SPEG: variants seen among roughly 807,000 people sequenced by gnomAD.
The protein encoded by SPEG is striated muscle preferentially expressed protein kinase.
SPEG carries 114 observed loss-of-function variants against 300.4 expected under a neutral mutation model. That is an observed-to-expected ratio of 0.38 (90% CI 0.33 to 0.44). The LOEUF (loss-of-function observed/expected upper bound fraction) is 0.44, where lower values mean the gene tolerates loss of function less well. Ranked by LOEUF, SPEG falls within the 20% of genes least tolerant of loss-of-function variation. The pLI, the probability that SPEG is intolerant of heterozygous loss-of-function variation, is 1.00. For missense variants in SPEG, 4,201 were observed against 4,586.2 expected, an observed-to-expected ratio of 0.92 and a Z score of 2.43; for synonymous variants, 1,964 against 2,018.9, an observed-to-expected ratio of 0.97 and a Z score of 0.73.
chr2:219,455,302 C>T (rs1172995747), intron 6 of SPEG, among the ~76,000 whole-genome samples: 1 of 152,138 alleles, frequency 6.6e-6, no homozygotes, highest in East Asian at 1.9e-4. Context: ...GTGGCTGACA[C>T]CTGTAATCCC....
chr2:219,478,197 A>G, intron 22 of SPEG, 92 bp downstream of exon 22: 5 of 1,121,610 alleles, frequency 4.5e-6, no homozygotes, highest in Non-Finnish European at 6.5e-6. Context: ...ACAGTTTACA[A>G]AGTAGTCCCA....
chr2:219,469,216 G>A lies in SPEG; in HGVS notation c.3552G>A (p.Arg1184=), dbSNP rs1691653426. Residue 1184 remains arginine (R), a synonymous_variant, in exon 13 of 41, where the codon CGG becomes CGA. Coordinates refer to ENST00000312358, the MANE Select transcript of SPEG (RefSeq NM_005876.5). ...AGCCAGAGCAGGGTGAGCTGGAGCG[G>A]CTGTCCATTCCTGACTTCCTGCGGC... ...PEEPEQGELE[R]LSIPDFLRPL... The A allele has an allele frequency of 6.2e-7, 1 of 1,613,644 alleles. No individual in the cohort carries two copies. Among genetic ancestry groups the A allele is most frequent in the Non-Finnish European group, 8.5e-7 (1 of 1,179,782 alleles).
Position 219,490,533 on chromosome 2 carries a change from A to T in SPEG, c.9046A>T (p.Thr3016Ser), listed in dbSNP as rs545450967. The T allele has an allele frequency of 3.7e-6, 6 of 1,613,152 alleles. No individual in the cohort carries two copies. In the Admixed American group the frequency reaches 1.0e-4, roughly 27 times the overall value. The stretch of plus-strand genomic sequence containing the variant: ...CCTGCAGGAGTACGAGGTGCTGCGG[A>T]CCCTGCACCACGAGCGGATCATGTC... ...RVLQEYEVLR[T>S]LHHERIMSLH... The change falls in exon 37 of 41, where the codon ACC becomes TCC. Residue 3016 changes from threonine (T) to serine (S), a missense_variant. Thr to Ser is a moderately conservative substitution (Grantham distance 58). Transcript: ENST00000312358.
chr2:219,490,499 G>A lies in SPEG; in HGVS notation c.9012G>A (p.Lys3004=). The part of the protein sequence containing the change: ...AKIVPYAAEG[K]RRVLQEYEVL... ...TCGTGCCCTATGCTGCCGAGGGCAA[G>A]CGGCGGGTCCTGCAGGAGTACGAGG... The change falls in exon 37 of 41, where the codon AAG becomes AAA. Residue 3004 remains lysine (K), a synonymous_variant. Transcript: ENST00000312358. 6.2e-7 allele frequency: 1 copy of A among 1,612,580 alleles called. No individual in the cohort carries two copies. Among genetic ancestry groups the A allele is most frequent in the Admixed American group, 1.7e-5 (1 of 60,016 alleles).
In SPEG at chr2:219,439,331, G is replaced by T. The variant is rs1954799816; in HGVS notation, c.388+3966G>T. Among the ~76,000 whole-genome samples, 1 of 152,186 alleles carries T rather than the reference G, an allele frequency of 6.6e-6. No homozygotes were observed. Among genetic ancestry groups the T allele is most frequent in the African/African-American group, 2.4e-5 (1 of 41,438 alleles). ...ATACACGAGTCAGGGGGTTGAGGGA[G>T]ACCAAAATTTATGTCCTCCAGGGGA... On this transcript the variant is annotated intron_variant, in intron 1 of 40. Coordinates refer to ENST00000312358, the MANE Select transcript of SPEG (RefSeq NM_005876.5). The surrounding 1 kb of genome is among the most constrained non-coding windows in gnomAD (Gnocchi z 4.5).
Position 219,458,012 on chromosome 2 carries a change from C to T in SPEG, c.2441-3870C>T, listed in dbSNP as rs961366361. Reference sequence around the variant, plus strand: ...CTGCTCTCTTGCTACCTCATACTTCCTGCTTGCTCTTGTAGTCACTTGTGT... The same window carrying T: ...CTGCTCTCTTGCTACCTCATACTTCTTGCTTGCTCTTGTAGTCACTTGTGT... On this transcript the variant is annotated intron_variant, in intron 6 of 40. Coordinates refer to ENST00000312358, the MANE Select transcript of SPEG (RefSeq NM_005876.5). This position sits in a 1 kb window ranked among gnomAD's most constrained non-coding sequence, Gnocchi z 4.2. Among the ~76,000 whole-genome samples the T allele has an allele frequency of 6.6e-6, 1 of 152,158 alleles. No individual in the cohort carries two copies. Among genetic ancestry groups the T allele is most frequent in the Non-Finnish European group, 1.5e-5 (1 of 68,028 alleles).
In SPEG at chr2:219,463,604, G is replaced by A. The variant is rs116385797; in HGVS notation, c.2706-829G>A. On this transcript the variant is annotated intron_variant, in intron 8 of 40. Transcript: ENST00000312358. ...AATTTTGTATTTTTTGTAGAGGCAGGGTTTCTGGTCAGGCTGGTCTCGAAC... is the reference window on the plus strand; with the variant it reads ...AATTTTGTATTTTTTGTAGAGGCAGAGTTTCTGGTCAGGCTGGTCTCGAAC... 7.2e-3 allele frequency among the ~76,000 whole-genome samples: 1,094 copies of A among 151,046 alleles called. 12 individuals carry two copies. Among genetic ancestry groups the A allele is most frequent in the African/African-American group, 0.024 (993 of 41,160 alleles).
intron 31 of SPEG, among the ~76,000 whole-genome samples, chr2:219,486,229 C>A (rs529863325): frequency 1.3e-5 from 2 of 152,354 alleles, no homozygotes; most frequent in South Asian, 4.1e-4. Context: ...GGGGTCACCC[C>A]ATCCCCCCTG....
In SPEG at chr2:219,480,071, A is replaced by G. The variant is rs1253982280; in HGVS notation, c.5273A>G (p.Tyr1758Cys). The G allele has an allele frequency of 3.7e-6, 6 of 1,614,052 alleles. No homozygotes were observed. The highest frequency in any genetic ancestry group is 8.5e-7 in the Non-Finnish European group (1 of 1,180,014). Residue 1758 changes from tyrosine (Y) to cysteine (C), a missense_variant, in exon 25 of 41, where the codon TAT (tyrosine) becomes TGT (cysteine). Coordinates refer to ENST00000312358, the MANE Select transcript of SPEG (RefSeq NM_005876.5). The surrounding 1 kb of genome is among the most constrained non-coding windows in gnomAD (Gnocchi z 5.3). ...CCAGGAGAGCCCCAGTACTGCCAGTATGGCACACCTGAGTTTGTAGCACCC... is the reference window on the plus strand; with the variant it reads ...CCAGGAGAGCCCCAGTACTGCCAGTGTGGCACACCTGAGTTTGTAGCACCC... Reference protein sequence around the residue: ...LTPGEPQYCQYGTPEFVAPEI... With the variant: ...LTPGEPQYCQCGTPEFVAPEI...
chr2:219,444,631 A>G lies in SPEG; in HGVS notation c.389-22A>G. On this transcript the variant is annotated intron_variant, in intron 1 of 40. Transcript: ENST00000312358. The surrounding 1 kb of genome is among the most constrained non-coding windows in gnomAD (Gnocchi z 7.8). ...AGGCAGAGGGAGGAGGGCCCTGCCCACACAGACCCCTTCTTCTCCAGACTC... is the reference window on the plus strand; with the variant it reads ...AGGCAGAGGGAGGAGGGCCCTGCCCGCACAGACCCCTTCTTCTCCAGACTC... 6.2e-7 allele frequency: 1 copy of G among 1,604,644 alleles called. No individual in the cohort carries two copies. The highest frequency in any genetic ancestry group is 8.5e-7 in the Non-Finnish European group (1 of 1,171,492).
chr2:219,482,569 G>A (rs925694694), intron 28 of SPEG, among the ~76,000 whole-genome samples: 1 of 152,104 alleles, frequency 6.6e-6, no homozygotes, highest in African/African-American at 2.4e-5. Flanking sequence ...CCTCTCCCCT[G>A]GGGGGTTCAG....
Position 219,483,362 on chromosome 2 carries a change from G to T in SPEG, c.5899G>T (p.Ala1967Ser). 1 of 1,604,420 alleles carries T rather than the reference G, an allele frequency of 6.2e-7. No individual in the cohort carries two copies. The change falls in exon 30 of 41, where the codon GCT becomes TCT. Residue 1967 changes from alanine to serine, a missense_variant. This residue lies in a region of SPEG where 1,578 missense variants were observed against 1,506.0 expected (regional missense o/e 1.05). Transcript: ENST00000312358. The stretch of plus-strand genomic sequence containing the variant: ...GGCCCTGGGGACCCCAGAGACTGGG[G>T]CTGCCACCCCCATGGACTGGCAGGA... ...DEALGTPETG[A>S]ATPMDWQEQG... is the part of the protein sequence containing the mutation.
In SPEG at chr2:219,448,628, C is replaced by T; in HGVS notation, c.1470C>T (p.Leu490=). The change falls in exon 4 of 41, where the codon CTC becomes CTT. Residue 490 remains leucine, a synonymous_variant. Coordinates refer to ENST00000312358, the MANE Select transcript of SPEG (RefSeq NM_005876.5). ...RTRQRSPASD[L]ELRFAQELGR... ...GTCAGCGCAGCCCGGCCTCAGACCT[C>T]GAGCTGCGCTTCGCCCAGGAGCTGG... 3.4e-6 allele frequency: 5 copies of T among 1,482,420 alleles called. No homozygotes were observed. Among genetic ancestry groups the T allele is most frequent in the Non-Finnish European group, 4.4e-6 (5 of 1,124,400 alleles). 91.8% of individuals were successfully genotyped at this position (1,482,420 alleles called of 1,614,324 possible).
Position 219,470,862 on chromosome 2 carries a change from C to T in SPEG, c.3716-1006C>T, listed in dbSNP as rs767480668. On this transcript the variant is annotated intron_variant, in intron 13 of 40. Coordinates refer to ENST00000312358, the MANE Select transcript of SPEG (RefSeq NM_005876.5). ...TTTGTAGAGTTGTTGCAAGGATTCA[C>T]GAGGGGGAAAGCATGTCAGGTACCT... 2.0e-4 allele frequency among the ~76,000 whole-genome samples: 30 copies of T among 152,214 alleles called. No individual in the cohort carries two copies. In the Middle Eastern group the frequency reaches 0.027, roughly 138 times the overall value.
intron 6 of SPEG, chr2:219,461,227 G>A (rs1690660011): frequency 1.0e-6 from 1 of 986,518 alleles, no homozygotes; most frequent in South Asian, 4.7e-5. Flanking sequence ...TGCCCTTTTT[G>A]GTGGATGACT....
rs1689073285 is a variant in SPEG at position 219,443,552 on chromosome 2, C to T, written c.389-1101C>T. The T allele has an allele frequency of 1.0e-5, 3 of 292,474 alleles. No individual in the cohort carries two copies. Among genetic ancestry groups the T allele is most frequent in the African/African-American group, 6.5e-5 (3 of 45,878 alleles). The allele number at this position is 292,474 out of a possible 1,614,324, so 18.1% of individuals were successfully genotyped here. The stretch of plus-strand genomic sequence containing the variant: ...GGAACCTTTTCTCCTAACCTAACCA[C>T]TGGGCATTTTTGAGGACGATTCAAC... On this transcript the variant is annotated intron_variant, in intron 1 of 40. Transcript: ENST00000312358. The surrounding 1 kb of genome is among the most constrained non-coding windows in gnomAD (Gnocchi z 4.6).
intron 13 of SPEG, 108 bp from the exon 14 acceptor site, chr2:219,471,760 C>T: frequency 7.1e-7 from 1 of 1,409,464 alleles, no homozygotes; most frequent in South Asian, 1.3e-5. Context: ...CCACTCGCCT[C>T]CTCCCTGCAG....
In SPEG at chr2:219,448,328, G is replaced by T. The variant is rs1689475477; in HGVS notation, c.1170G>T (p.Ser390=). 1.9e-6 allele frequency: 3 copies of T among 1,601,272 alleles called. No individual in the cohort carries two copies. The highest frequency in any genetic ancestry group is 2.2e-5 in the South Asian group (2 of 89,896). ...GCCGCCTGTCGGCGTTGGGCCGATC[G>T]CCTAGGCTGGTGCGCGCCGGCTCCC... is the stretch of plus-strand genomic sequence containing the variant. ...ASGRLSALGR[S]PRLVRAGSRI... Residue 390 remains serine (S), a synonymous_variant, in exon 4 of 41, where the codon TCG becomes TCT. Coordinates refer to ENST00000312358, the MANE Select transcript of SPEG (RefSeq NM_005876.5).
At position 219,451,766 on chromosome 2, in the gene SPEG, T is replaced by A; in HGVS notation, c.2399T>A (p.Leu800Gln). ...TATATGGCCACCGCCACCAACGAGC[T>A]GGGCCAGGCCACCTGTGCCGCCTCA... Reference protein sequence around the residue: ...GSYMATATNELGQATCAASLT... With the variant: ...GSYMATATNEQGQATCAASLT... The change falls in exon 6 of 41, where the codon CTG becomes CAG. Residue 800 changes from leucine to glutamine, a missense_variant. Coordinates refer to ENST00000312358, the MANE Select transcript of SPEG (RefSeq NM_005876.5). The surrounding 1 kb of genome is among the most constrained non-coding windows in gnomAD (Gnocchi z 6.4). 2 of 1,555,188 alleles carry A rather than the reference T, an allele frequency of 1.3e-6. No homozygotes were observed. Among genetic ancestry groups the A allele is most frequent in the East Asian group, 4.8e-5 (2 of 41,242 alleles).
Sources: gnomAD v4.1 joint callset for allele counts (sites outside exome capture counted in the v4.1 genomes callset) on GRCh38, gnomAD v4.1.1 for gene constraint, gnomAD v4.1.1 regional missense constraint, Gnocchi (gnomAD v3.1) non-coding constraint, MANE v1.5 for transcripts, NCBI Gene and HGNC (gene_info 2026-07-23, HGNC 2026-07-21) for gene names.